Variants in ALX4 observed in about 807,000 individuals in gnomAD.
ALX4 encodes ALX homeobox 4.
In ALX4, 22 loss-of-function variants were observed where a neutral mutation model predicts 40.6. That is an observed-to-expected ratio of 0.54 (90% CI 0.39 to 0.77). ALX4 has a LOEUF of 0.77. Ranked by LOEUF, ALX4 falls within the 30% of genes least tolerant of loss-of-function variation. The pLI is 0.00. For missense variants in ALX4, 556 were observed against 564.8 expected, an observed-to-expected ratio of 0.98 and a Z score of 0.16; for synonymous variants, 266 against 240.5, an observed-to-expected ratio of 1.11 and a Z score of -0.98.
chr11:44,277,548 G>A (rs947128052), intron 1 of ALX4, among the ~76,000 whole-genome samples: 2 of 152,142 alleles, frequency 1.3e-5, no homozygotes, highest in Non-Finnish European at 2.9e-5. Flanking sequence ...TCTGACCCGC[G>A]GTTTCTTCTT....
chr11:44,265,251 C>T, intron 3 of ALX4, 68 bp from the exon 4 acceptor site: 1 of 1,396,432 alleles, frequency 7.2e-7, no homozygotes, highest in Non-Finnish European at 9.7e-7. Context: ...CTCGCCCCTT[C>T]CCCCAGAGCA....
intron 1 of ALX4, among the ~76,000 whole-genome samples, chr11:44,306,612 CTG>C (rs1459078962): frequency 1.3e-5 from 2 of 152,394 alleles, no homozygotes; most frequent in African/African-American, 4.8e-5. Flanking sequence ...AGCGCCAGTA[CTG>C]GCACCAAGGC....
intron 1 of ALX4, among the ~76,000 whole-genome samples, chr11:44,303,373 G>A (rs1274235218): frequency 6.6e-6 from 1 of 152,100 alleles, no homozygotes; most frequent in East Asian, 1.9e-4. Context: ...GAGTACAAGC[G>A]GCGCCTTCAC....
chr11:44,266,704 T>TG (rs1288135244), intron 3 of ALX4, among the ~76,000 whole-genome samples: 1 of 151,798 alleles, frequency 6.6e-6, no homozygotes, highest in Non-Finnish European at 1.5e-5. Context: ...GCAGGCTGAG[T>TG]GGGGGTCAGG....
rs376571868 is a variant in ALX4 at position 44,262,288 on chromosome 11, TA to T, written c.*2565del. The T allele has an allele frequency of 2.9e-4, 44 of 152,362 alleles. No homozygotes were observed. Among genetic ancestry groups the T allele is most frequent in the African/African-American group, 1.1e-3 (44 of 41,564 alleles). 9.4% of individuals were successfully genotyped at this position (152,362 alleles called of 1,614,324 possible). A position where few individuals can be genotyped will look rare whatever the true frequency, so the allele number is the denominator to read the frequency against. On this transcript the variant is annotated 3_prime_UTR_variant, in exon 4 of 4. Coordinates refer to ENST00000652299, the MANE Select transcript of ALX4 (RefSeq NM_021926.4). ...CCCAACTCGGTGGTCCTATCATACTTAGTGTGGTTAGGTGGCCCCCAAGGGC... is the reference window on the plus strand; with the variant it reads ...CCCAACTCGGTGGTCCTATCATACTTGTGTGGTTAGGTGGCCCCCAAGGGC...
intron 3 of ALX4, among the ~76,000 whole-genome samples, chr11:44,266,502 G>A (rs532248356): frequency 1.8e-4 from 28 of 152,242 alleles, no homozygotes; most frequent in Non-Finnish European, 3.7e-4. Context: ...GGCTGGGGGA[G>A]AGGGAACAGA....
intron 1 of ALX4, among the ~76,000 whole-genome samples, chr11:44,297,460 G>A (rs1254516426): frequency 6.6e-6 from 1 of 152,128 alleles, no homozygotes; most frequent in Admixed American, 6.5e-5. Flanking sequence ...GCTTATGCTT[G>A]TAATCCCAGC....
At chr11:44,292,820 G>T (rs533564790) in intron 1 of ALX4, among the ~76,000 whole-genome samples, 2 of 151,952 alleles carry the variant, frequency 1.3e-5, no homozygotes, top group Admixed American at 6.5e-5. Flanking sequence ...TTTTGGCCCC[G>T]CATGGTAGCT....
At chr11:44,276,812 T>C (rs1420917598) in intron 1 of ALX4, among the ~76,000 whole-genome samples, 1 of 152,152 alleles carries the variant, frequency 6.6e-6, no homozygotes, top group Non-Finnish European at 1.5e-5. Flanking sequence ...CTCACATGCA[T>C]GGTTCACAGT....
At chr11:44,305,487 A>C (rs993576987) in intron 1 of ALX4, among the ~76,000 whole-genome samples, 3 of 152,114 alleles carry the variant, frequency 2.0e-5, no homozygotes, top group Admixed American at 2.0e-4. Flanking sequence ...CGATCACCCC[A>C]CAGTCACCCA....
At position 44,261,915 on chromosome 11, in the gene ALX4, G is replaced by C. The variant is rs1035301125; in HGVS notation, c.*2939C>G. ...TGGCCTTGGGCAGCTGCCCTGACTT[G>C]CTCAGTCATCCTAGGAGCTGACACG... is the stretch of plus-strand genomic sequence containing the variant. On this transcript the variant is annotated 3_prime_UTR_variant, in exon 4 of 4. Coordinates refer to ENST00000652299, the MANE Select transcript of ALX4 (RefSeq NM_021926.4). 2 of 152,286 alleles carry C rather than the reference G, an allele frequency of 1.3e-5. No homozygotes were observed. The highest frequency in any genetic ancestry group is 4.8e-5 in the African/African-American group (2 of 41,462). 9.4% of individuals were successfully genotyped at this position (152,286 alleles called of 1,614,324 possible).
intron 1 of ALX4, among the ~76,000 whole-genome samples, chr11:44,297,550 T>C (rs1378500456): frequency 6.6e-6 from 1 of 151,918 alleles, no homozygotes; most frequent in Non-Finnish European, 1.5e-5. Flanking sequence ...AAACCCTGTC[T>C]CTACTAAAAA....
At chr11:44,306,476 A>G (rs878959973) in intron 1 of ALX4, among the ~76,000 whole-genome samples, 2 of 152,216 alleles carry the variant, frequency 1.3e-5, no homozygotes, top group Non-Finnish European at 2.9e-5. Flanking sequence ...GCCCAGGAAG[A>G]GGCCTCCGAG....
intron 1 of ALX4, among the ~76,000 whole-genome samples, chr11:44,287,112 C>T (rs545842768): frequency 2.6e-4 from 39 of 152,216 alleles, no homozygotes; most frequent in Non-Finnish European, 4.9e-4. Flanking sequence ...GGCAGGCATC[C>T]GCCGAGGCAG....
intron 1 of ALX4, among the ~76,000 whole-genome samples, chr11:44,297,061 G>C (rs1252392208): frequency 6.7e-6 from 1 of 150,150 alleles, no homozygotes; most frequent in African/African-American, 2.4e-5. Flanking sequence ...TCCACAGAGA[G>C]AGAGTAGAAT....
intron 1 of ALX4, among the ~76,000 whole-genome samples, chr11:44,302,954 C>T (rs1369113632): frequency 6.6e-6 from 1 of 152,224 alleles, no homozygotes; most frequent in African/African-American, 2.4e-5. Flanking sequence ...GCATTTCATA[C>T]AGCTAAAATT....
intron 1 of ALX4, among the ~76,000 whole-genome samples, chr11:44,309,071 G>GCACCTGCGGCGCTCT (rs564109718): frequency 6.6e-6 from 1 of 152,164 alleles, no homozygotes; most frequent in Non-Finnish European, 1.5e-5. Context: ...GCCTGGCTCC[G>GCACCTGCGGCGCTCT]CACCTGCGGC....
rs377477011 is a variant in ALX4, at chr11:44,267,484, C to T, written c.906+10G>A. 67 of 1,613,652 alleles carry T rather than the reference C, an allele frequency of 4.2e-5. No individual in the cohort carries two copies. The African/African-American group carries it at 4.7e-4, about 11-fold the overall frequency. ...GGGGATCGGTGGCGGCAGCTCAGGG[C>T]GGGACTTACCTGGGCGTAGTTCTCA... On this transcript the variant is annotated intron_variant, in intron 3 of 3. Transcript: ENST00000652299.
rs774394460 is a variant in ALX4 at position 44,310,024 on chromosome 11, C to T, written c.39G>A (p.Pro13=). ...TGTAGTAGGCGTCCATGGCAGCGGCCGGCGACTCGCAGTAAGAGACGCAAG... is the reference window on the plus strand; with the variant it reads ...TGTAGTAGGCGTCCATGGCAGCGGCTGGCGACTCGCAGTAAGAGACGCAAG... ...AETCVSYCES[P]AAAMDAYYSP... Residue 13 remains proline, a synonymous_variant, in exon 1 of 4, where the codon CCG becomes CCA. Transcript: ENST00000652299. 2.2e-5 allele frequency: 35 copies of T among 1,602,268 alleles called. No homozygotes were observed. Among genetic ancestry groups the T allele is most frequent in the Non-Finnish European group, 2.9e-5 (34 of 1,174,842 alleles).
Sources: gnomAD v4.1 joint callset for allele counts (sites outside exome capture counted in the v4.1 genomes callset) on GRCh38, gnomAD v4.1.1 for gene constraint, MANE v1.5 for transcripts, NCBI Gene and HGNC (gene_info 2026-07-23, HGNC 2026-07-21) for gene names.